The following NIBAN2 variants were observed in gnomAD, a reference collection of about 807,000 sequenced individuals.
NIBAN2 encodes protein Niban 2.
A neutral mutation model predicts 81.8 loss-of-function variants in NIBAN2; 36 were observed. The observed-to-expected ratio is 0.44, with a 90% confidence interval of 0.34 to 0.58. The LOEUF is 0.58. Among genes scored for constraint, NIBAN2 ranks in the 20% least tolerant of loss-of-function variants. NIBAN2 has a pLI of 0.02. For synonymous variants in NIBAN2, 445 were observed against 441.6 expected (o/e 1.01, Z -0.10); for missense variants, 897 against 1,014.1 (o/e 0.88, Z 1.57).
At chr9:127,509,547 T>C (rs1836687337) in intron 9 of NIBAN2, among the ~76,000 whole-genome samples, 1 of 152,098 alleles carries the variant, frequency 6.6e-6, no homozygotes, top group South Asian at 2.1e-4. Flanking sequence ...ACTCCCCATT[T>C]CAGAGTATAA....
Position 127,568,885 on chromosome 9 carries a change from T to C in NIBAN2, c.-11A>G. ...CAGCACGTCCCCCATGGCCAGGAGG[T>C]GTCGCGGCCCGATCCGGCCGACGCC... On this transcript the variant is annotated 5_prime_UTR_variant, in exon 1 of 14. Transcript: ENST00000373312. The C allele has an allele frequency of 7.7e-7, 1 of 1,300,126 alleles. No homozygotes were observed. The highest frequency in any genetic ancestry group is 2.1e-5 in the South Asian group (1 of 48,718). 80.5% of individuals were successfully genotyped at this position (1,300,126 alleles called of 1,614,324 possible). A position where few individuals can be genotyped will look rare whatever the true frequency, so the allele number is the denominator to read the frequency against.
intron 1 of NIBAN2, among the ~76,000 whole-genome samples, chr9:127,547,492 G>A (rs181050455): frequency 1.3e-4 from 19 of 151,654 alleles, no homozygotes. Flanking sequence ...ACTCCAGCCT[G>A]GGCTACAGAG....
In NIBAN2 at chr9:127,506,851, C is replaced by G. The variant is rs1293211239; in HGVS notation, c.2235G>C (p.Glu745Asp). ...CAGTCAGGGACCCACTGGCCTAGAA[C>G]TCAGTCTGCACCCCTGCACTGTCCT... ...TTEDSAGVQTEF is the reference protein window; with the variant it reads ...TTEDSAGVQTDF Residue 745 changes from glutamate to aspartate, a missense_variant, in exon 14 of 14, where the codon GAG becomes GAC. Around this residue, in one of 3 missense-constraint regions of NIBAN2, gnomAD observed 619 missense variants for 691.0 expected, o/e 0.90. Coordinates refer to ENST00000373312, the MANE Select transcript of NIBAN2 (RefSeq NM_022833.4). 6.2e-7 allele frequency: 1 copy of G among 1,605,054 alleles called. No homozygotes were observed. The highest frequency in any genetic ancestry group is 8.5e-7 in the Non-Finnish European group (1 of 1,176,044).
At position 127,507,546 on chromosome 9, in the gene NIBAN2, A is replaced by T; in HGVS notation, c.1655-115T>A. 1 of 946,128 alleles carries T rather than the reference A, an allele frequency of 1.1e-6. No individual in the cohort carries two copies. Among genetic ancestry groups the T allele is most frequent in the Non-Finnish European group, 1.5e-6 (1 of 646,512 alleles). The allele number at this position is 946,128 out of a possible 1,614,324, so 58.6% of individuals were successfully genotyped here. ...CCCGCCTTGGGGGTCTGTGGTTGGG[A>T]TGTGACTCATTCCAGGCCTCGTTGC... On this transcript the variant is annotated intron_variant, in intron 13 of 13. Transcript: ENST00000373312. The surrounding 1 kb of genome is among the most constrained non-coding windows in gnomAD (Gnocchi z 6.8).
At chr9:127,568,704 GCCCGGCCTGACTCCCCCGAGCCCCCGGC>G (rs1837900941) in intron 1 of NIBAN2, 88 bp downstream of exon 1, 21 of 944,780 alleles carry the variant, frequency 2.2e-5, no homozygotes, top group Non-Finnish European at 2.8e-5. Context: ...GCTCCCACCG[GCCCGGCCTGACTCCCCCGAGCCCCCGGC>G]CCCGGCGCCA....
chr9:127,518,085 A>G, intron 5 of NIBAN2, 144 bp from the exon 6 acceptor site: 1 of 596,012 alleles, frequency 1.7e-6, no homozygotes, highest in Non-Finnish European at 3.0e-6. Context: ...TTTCCTCGTC[A>G]TCAGAGCAGT....
At chr9:127,534,857 G>A (rs987681784) in intron 1 of NIBAN2, among the ~76,000 whole-genome samples, 4 of 152,172 alleles carry the variant, frequency 2.6e-5, no homozygotes, top group Non-Finnish European at 4.4e-5. Context: ...GTCATACATC[G>A]GGGATAATAG....
chr9:127,577,409 C>T (rs547786024), intron 1 of NIBAN2, among the ~76,000 whole-genome samples: 5 of 151,276 alleles, frequency 3.3e-5, no homozygotes, highest in African/African-American at 1.2e-4. Context: ...TCCTCCAGAT[C>T]CAATACCCCA....
chr9:127,561,164 C>A, intron 1 of NIBAN2: 5 of 985,552 alleles, frequency 5.1e-6, no homozygotes, highest in Non-Finnish European at 6.0e-6. Flanking sequence ...GGAACCACAG[C>A]CCCATCCCAC....
intron 1 of NIBAN2, among the ~76,000 whole-genome samples, chr9:127,544,735 C>T (rs925175668): frequency 6.6e-6 from 1 of 152,178 alleles, no homozygotes; most frequent in African/African-American, 2.4e-5. Context: ...AATTCCTGAC[C>T]TCAGGTGATC....
Position 127,517,204 on chromosome 9 carries a change from G to A in NIBAN2, c.718C>T (p.Leu240=). 6.2e-7 allele frequency: 1 copy of A among 1,613,876 alleles called. No homozygotes were observed. The change falls in exon 7 of 14, where the codon CTG becomes TTG. Residue 240 remains leucine (L), a synonymous_variant. Transcript: ENST00000373312. The surrounding 1 kb of genome is among the most constrained non-coding windows in gnomAD (Gnocchi z 4.0). ...CGNEVQILSN[L]VMEELGPELK... ...TCAGGGCCCAGCTCCTCCATCACCAGGTTGCTCAGGATCTAGGTTGAGGAG... is the reference window on the plus strand; with the variant it reads ...TCAGGGCCCAGCTCCTCCATCACCAAGTTGCTCAGGATCTAGGTTGAGGAG...
chr9:127,510,114 A>G, intron 9 of NIBAN2, 32 bp downstream of exon 9: 1 of 1,580,918 alleles, frequency 6.3e-7, no homozygotes, highest in South Asian at 1.2e-5. Flanking sequence ...TACTCTCAGG[A>G]GACCCCCTCC....
chr9:127,510,425 T>C, intron 8 of NIBAN2, 92 bp from the exon 9 acceptor site: 1 of 796,138 alleles, frequency 1.3e-6, no homozygotes, highest in African/African-American at 1.8e-5. Context: ...ACTGTATTAC[T>C]ATTATTATCA....
intron 1 of NIBAN2, among the ~76,000 whole-genome samples, chr9:127,557,577 G>A (rs1157877252): frequency 2.0e-5 from 3 of 152,232 alleles, no homozygotes; most frequent in Non-Finnish European, 4.4e-5. Context: ...CAGCCTGCAG[G>A]GCAGGCACCA....
At chr9:127,513,664 T>A (rs1399479296) in intron 8 of NIBAN2, among the ~76,000 whole-genome samples, 1 of 152,192 alleles carries the variant, frequency 6.6e-6, no homozygotes, top group Non-Finnish European at 1.5e-5. Context: ...ATATGCTCTA[T>A]CTAAAAAGGG....
upstream of NIBAN2, chr9:127,569,124 C>T (rs1160904666): frequency 1.0e-6 from 1 of 984,588 alleles, no homozygotes; most frequent in Non-Finnish European, 1.2e-6. Context: ...CTCCGCCCCA[C>T]CAGACCACGC....
chr9:127,513,040 A>G (rs1273020939), intron 8 of NIBAN2, among the ~76,000 whole-genome samples: 1 of 152,196 alleles, frequency 6.6e-6, no homozygotes, highest in Non-Finnish European at 1.5e-5. Context: ...TCAGCCGTAA[A>G]AAAGAACGAG....
At chr9:127,565,604 C>G (rs909029327) in intron 1 of NIBAN2, among the ~76,000 whole-genome samples, 2 of 150,898 alleles carry the variant, frequency 1.3e-5, no homozygotes, top group African/African-American at 4.9e-5. Flanking sequence ...ACCAGCCTGA[C>G]CAATATGGTG....
intron 1 of NIBAN2, among the ~76,000 whole-genome samples, chr9:127,539,592 A>T (rs1252480167): frequency 6.6e-6 from 1 of 151,892 alleles, no homozygotes; most frequent in East Asian, 1.9e-4. Context: ...TAATTTTCCC[A>T]CCTTTAAAAT....
Sources: allele counts gnomAD v4.1 joint callset (sites outside exome capture counted in the v4.1 genomes callset), GRCh38; gene constraint gnomAD v4.1.1; regional missense constraint gnomAD v4.1.1; non-coding constraint Gnocchi (gnomAD v3.1); transcripts MANE v1.5; gene names NCBI Gene and HGNC (gene_info 2026-07-23, HGNC 2026-07-21).